The following AOPEP variants were observed in gnomAD, a reference collection of about 807,000 sequenced individuals.
AOPEP encodes the protein aminopeptidase O (putative).
In AOPEP, 77 loss-of-function variants were observed where a neutral mutation model predicts 98.1. The observed-to-expected ratio is 0.78, with a 90% CI of 0.65 to 0.95. The LOEUF is 0.95. AOPEP is among the 40% of genes least tolerant of loss of function. The pLI is 0.00. For synonymous variants in AOPEP, 346 were observed against 365.3 expected (o/e 0.95, Z 0.60); for missense variants, 1,024 against 1,024.7 (o/e 1.00, Z 0.01).
chr9:94,942,998 A>G (rs1296051614), intron 7 of AOPEP, among the ~76,000 whole-genome samples: 2 of 152,142 alleles, frequency 1.3e-5, no homozygotes, highest in East Asian at 3.8e-4. Context: ...TATAAAAGCT[A>G]AAATTATACA....
intron 2 of AOPEP, among the ~76,000 whole-genome samples, chr9:94,767,749 A>G (rs1839942322): frequency 6.6e-6 from 1 of 152,234 alleles, no homozygotes; most frequent in Non-Finnish European, 1.5e-5. Context: ...TTCTGACTCA[A>G]AGCCATTTGC....
chr9:95,123,930 G>A, the AOPEP span: 11 of 388,114 alleles, frequency 2.8e-5, no homozygotes, highest in African/African-American at 2.3e-4. Flanking sequence ...AATGGAAATT[G>A]TACTTAATTA....
At chr9:94,869,971 ATTTTTTTTTTTTTTTTTT>A (rs10556167) in intron 5 of AOPEP, among the ~76,000 whole-genome samples, 15 of 93,554 alleles carry the variant, frequency 1.6e-4, no homozygotes, top group African/African-American at 2.6e-4. Context: ...GAAGCCATGA[ATTTTTTTTTTTTTTTTTT>A]TTTTTTTTTT....
At chr9:94,942,911 A>AT (rs2057173756) in intron 7 of AOPEP, among the ~76,000 whole-genome samples, 1 of 151,618 alleles carries the variant, frequency 6.6e-6, no homozygotes, top group South Asian at 2.1e-4. Context: ...TCTCAAAAAA[A>AT]AAAAAAAAAA....
chr9:94,958,843 A>G, intron 9 of AOPEP, among the ~76,000 whole-genome samples: 1 of 152,106 alleles, frequency 6.6e-6, no homozygotes, highest in Non-Finnish European at 1.5e-5. Flanking sequence ...TACTCTCTTG[A>G]TGGTGTCCTT....
chr9:95,119,957 C>A, the AOPEP span, among the ~76,000 whole-genome samples: 1 of 151,840 alleles, frequency 6.6e-6, no homozygotes, highest in South Asian at 2.1e-4. Context: ...AGAGATCCTC[C>A]TGCCTTGGGG....
intron 3 of AOPEP, among the ~76,000 whole-genome samples, chr9:94,774,311 C>CAAA (rs34936539): frequency 5.5e-4 from 37 of 67,764 alleles, no homozygotes; most frequent in Non-Finnish European, 6.0e-4. Flanking sequence ...GACTCCATCT[C>CAAA]AAAAAAAAAA....
chr9:95,007,006 A>G (rs2062079648), intron 13 of AOPEP, among the ~76,000 whole-genome samples: 1 of 149,306 alleles, frequency 6.7e-6, no homozygotes, highest in Admixed American at 6.7e-5. Flanking sequence ...GGTTCAAGCT[A>G]TTCTTCTGCC....
intron 7 of AOPEP, among the ~76,000 whole-genome samples, chr9:94,929,969 G>A (rs1355281532): frequency 6.6e-6 from 1 of 152,214 alleles, no homozygotes; most frequent in Non-Finnish European, 1.5e-5. Flanking sequence ...GAGGGCAGGG[G>A]CCAAGAGAGG....
At chr9:95,079,043 C>T (rs577328384) in intron 14 of AOPEP, among the ~76,000 whole-genome samples, 1 of 152,316 alleles carries the variant, frequency 6.6e-6, no homozygotes, top group South Asian at 2.1e-4. Context: ...CAGCCTCCTT[C>T]CCTTTTGCTC....
At chr9:95,092,403 C>T in the AOPEP span, among the ~76,000 whole-genome samples, 2 of 152,102 alleles carry the variant, frequency 1.3e-5, no homozygotes, top group Non-Finnish European at 2.9e-5. Flanking sequence ...CCTGGGGCTG[C>T]TCCCAGGGGG....
chr9:94,941,037 G>A (rs2056959031), intron 7 of AOPEP, among the ~76,000 whole-genome samples: 1 of 152,192 alleles, frequency 6.6e-6, no homozygotes. Flanking sequence ...GTAGAGCACA[G>A]GCATAAAAGG....
At chr9:94,994,576 G>A (rs1589198853) in intron 11 of AOPEP, among the ~76,000 whole-genome samples, 1 of 152,194 alleles carries the variant, frequency 6.6e-6, no homozygotes, top group East Asian at 1.9e-4. Flanking sequence ...GGTTTTAAAT[G>A]CATGTAGCTC....
At chr9:94,824,594 T>C (rs755562396) in intron 5 of AOPEP, 3 of 152,176 alleles carry the variant, frequency 2.0e-5, no homozygotes, top group Non-Finnish European at 4.4e-5. Context: ...GGGAGTGTGT[T>C]ATTGAGAGCA....
intron 4 of AOPEP, among the ~76,000 whole-genome samples, chr9:94,793,364 A>G (rs572462043): frequency 1.4e-5 from 2 of 144,362 alleles, no homozygotes; most frequent in East Asian, 3.9e-4. Flanking sequence ...AAAACAAAAC[A>G]AAACAAAACA....
chr9:94,992,365 C>T (rs955188894), intron 11 of AOPEP, among the ~76,000 whole-genome samples: 8 of 152,170 alleles, frequency 5.3e-5, no homozygotes, highest in African/African-American at 1.9e-4. Flanking sequence ...CTTTACGACC[C>T]CAGTATTTTC....
At chr9:95,108,172 A>G in the AOPEP span, among the ~76,000 whole-genome samples, 5 of 152,206 alleles carry the variant, frequency 3.3e-5, no homozygotes, top group South Asian at 2.1e-4. Flanking sequence ...GCCTCATTCA[A>G]TGAAGTCTGT....
chr9:95,141,015 A>G, the AOPEP span, among the ~76,000 whole-genome samples: 1 of 152,144 alleles, frequency 6.6e-6, no homozygotes, highest in Admixed American at 6.5e-5. Context: ...TTAAGGTTAA[A>G]AAAACAGGAT....
the AOPEP span, chr9:95,107,617 C>G: frequency 2.4e-6 from 1 of 414,904 alleles, no homozygotes; most frequent in Non-Finnish European, 4.5e-6. Context: ...ACTCGCCTAT[C>G]ACAGCCACAA....
Sources: allele counts gnomAD v4.1 joint callset (sites outside exome capture counted in the v4.1 genomes callset), GRCh38; gene constraint gnomAD v4.1.1; transcripts MANE v1.5; gene names NCBI Gene and HGNC (gene_info 2026-07-23, HGNC 2026-07-21).